The following GRAMD2B variants were observed in gnomAD, a reference collection of about 807,000 sequenced individuals.
GRAMD2B encodes GRAM domain containing 2B, also known as GRAM domain-containing protein 2B.
GRAMD2B carries 41 observed loss-of-function variants against 59.2 expected under a neutral mutation model. The observed-to-expected ratio is 0.69, with a 90% CI of 0.54 to 0.90. GRAMD2B has a LOEUF of 0.90. Ranked by LOEUF, GRAMD2B falls within the 40% of genes least tolerant of loss-of-function variation. The pLI is 0.00. For synonymous variants in GRAMD2B, 161 were observed against 182.7 expected (o/e 0.88, Z 0.96); for missense variants, 424 against 500.5 (o/e 0.85, Z 1.46).
intron 1 of GRAMD2B, among the ~76,000 whole-genome samples, chr5:126,405,551 C>A (rs926288203): frequency 2.0e-5 from 3 of 151,976 alleles, no homozygotes; most frequent in African/African-American, 7.2e-5. Context: ...CACTCCCTTT[C>A]TTTTGCTTTA....
intron 1 of GRAMD2B, among the ~76,000 whole-genome samples, chr5:126,381,330 A>G (rs951914160): frequency 6.6e-6 from 1 of 152,020 alleles, no homozygotes; most frequent in African/African-American, 2.4e-5. Flanking sequence ...TTTCTCATCT[A>G]TGTTCATCAG....
Position 126,423,634 on chromosome 5 carries a change from G to A in GRAMD2B, c.28G>A (p.Asp10Asn). Reference sequence around the variant, plus strand: ...GACTGAACTACAGCAAGATGTGGAAGACACAAAGCCTGCGAAAGTGCTCGG... The same window carrying A: ...GACTGAACTACAGCAAGATGTGGAAAACACAAAGCCTGCGAAAGTGCTCGG... MTELQQDVEDTKPAKVLGKR... is the reference protein window; with the variant it reads MTELQQDVENTKPAKVLGKR... The change falls in exon 1 of 14, where the codon GAC becomes AAC. Residue 10 changes from aspartate (D) to asparagine (N), a missense_variant. Asp to Asn is a conservative substitution (Grantham distance 23, BLOSUM62 1). Transcript: ENST00000285689. 3 of 1,610,466 alleles carry A rather than the reference G, an allele frequency of 1.9e-6. No individual in the cohort carries two copies. Among genetic ancestry groups the A allele is most frequent in the Non-Finnish European group, 2.5e-6 (3 of 1,178,622 alleles).
chr5:126,367,777 A>G (rs1273649884), upstream of GRAMD2B, among the ~76,000 whole-genome samples: 1 of 151,908 alleles, frequency 6.6e-6, no homozygotes, highest in Non-Finnish European at 1.5e-5. Flanking sequence ...TTTGATTTGG[A>G]TTCTCACTCT....
chr5:126,437,712 A>G (rs1168412234), intron 1 of GRAMD2B, among the ~76,000 whole-genome samples: 2 of 152,264 alleles, frequency 1.3e-5, no homozygotes, highest in Non-Finnish European at 2.9e-5. Flanking sequence ...GAAAAAACAA[A>G]CAAGGAAAGG....
chr5:126,410,336 C>T (rs1758672384), intron 1 of GRAMD2B, among the ~76,000 whole-genome samples: 1 of 151,760 alleles, frequency 6.6e-6, no homozygotes. Context: ...GAATGTTCTT[C>T]CATTTCTTTG....
At chr5:126,488,999 A>G (rs1773464997) in intron 13 of GRAMD2B, 107 bp downstream of exon 13, 1 of 652,790 alleles carries the variant, frequency 1.5e-6, no homozygotes, top group Admixed American at 2.8e-5. Context: ...GTGCCGCAAT[A>G]AACCTACATG....
At chr5:126,370,356 G>A (rs1754683768), upstream of GRAMD2B, among the ~76,000 whole-genome samples, 1 of 152,150 alleles carries the variant, frequency 6.6e-6, no homozygotes, top group Non-Finnish European at 1.5e-5. Flanking sequence ...GATTTCCCAG[G>A]AAACTTTGCT....
At chr5:126,444,944 G>A (rs74591712) in intron 1 of GRAMD2B, among the ~76,000 whole-genome samples, 5 of 152,138 alleles carry the variant, frequency 3.3e-5, no homozygotes, top group East Asian at 3.9e-4. Context: ...GAGAACATAC[G>A]GTGTTTGATT....
chr5:126,420,811 T>G (rs892364408), upstream of GRAMD2B, among the ~76,000 whole-genome samples: 3 of 151,910 alleles, frequency 2.0e-5, no homozygotes, highest in African/African-American at 7.3e-5. Context: ...TCATTCACAA[T>G]AGACAAAAGC....
intron 1 of GRAMD2B, among the ~76,000 whole-genome samples, chr5:126,381,552 A>G (rs1230522058): frequency 2.0e-5 from 3 of 152,162 alleles, no homozygotes; most frequent in Non-Finnish European, 4.4e-5. Context: ...ATCTTTTTCC[A>G]TCCCTTTACC....
chr5:126,491,622 C>A (rs1323241798), intron 13 of GRAMD2B, among the ~76,000 whole-genome samples: 2 of 152,220 alleles, frequency 1.3e-5, no homozygotes, highest in African/African-American at 4.8e-5. Context: ...TAGGACATCA[C>A]AGACTGTTCC....
chr5:126,483,551 C>G lies in GRAMD2B; in HGVS notation c.824C>G (p.Thr275Ser). Residue 275 changes from threonine (T) to serine (S), a missense_variant, in exon 9 of 14, where the codon ACT (threonine) becomes AGT (serine). Physicochemically the swap from Thr to Ser is moderately conservative, Grantham distance 58. Transcript: ENST00000285689. ...MEGYSSSGSQ[T>S]PESENSRDFH... ...GGATATAGCAGTTCTGGTTCTCAAACTCCTGAATCTGAGAACTCTCGAGGT... is the reference window on the plus strand; with the variant it reads ...GGATATAGCAGTTCTGGTTCTCAAAGTCCTGAATCTGAGAACTCTCGAGGT... 1 of 1,607,262 alleles carries G rather than the reference C, an allele frequency of 6.2e-7. No individual in the cohort carries two copies. Among genetic ancestry groups the G allele is most frequent in the Non-Finnish European group, 8.5e-7 (1 of 1,174,560 alleles).
At position 126,493,169 on chromosome 5, in the gene GRAMD2B, G is replaced by A. The variant is rs1774237076; in HGVS notation, c.*213G>A. ...AAGTTGACCTTGACTCTCTGAGGAA[G>A]ATTTTGCTGCTTTTGCCTGAAGAAA... On this transcript the variant is annotated 3_prime_UTR_variant, in exon 14 of 14. Transcript: ENST00000285689. 1.8e-5 allele frequency: 10 copies of A among 548,606 alleles called. No individual in the cohort carries two copies. The South Asian group carries it at 2.3e-4, about 12-fold the overall frequency. 34.0% of individuals were successfully genotyped at this position (548,606 alleles called of 1,614,324 possible).
intron 2 of GRAMD2B, among the ~76,000 whole-genome samples, chr5:126,469,456 A>G (rs1769122674): frequency 6.6e-6 from 1 of 152,170 alleles, no homozygotes; most frequent in Non-Finnish European, 1.5e-5. Flanking sequence ...AGTCTGGGCA[A>G]CGTGGTGAAA....
At chr5:126,484,956 C>A (rs766311492) in intron 10 of GRAMD2B, among the ~76,000 whole-genome samples, 1 of 152,168 alleles carries the variant, frequency 6.6e-6, no homozygotes, top group Non-Finnish European at 1.5e-5. Flanking sequence ...TAGGTCTTTG[C>A]ATATTAATTC....
At chr5:126,369,223 T>C (rs1754616131), upstream of GRAMD2B, among the ~76,000 whole-genome samples, 1 of 152,194 alleles carries the variant, frequency 6.6e-6, no homozygotes, top group Non-Finnish European at 1.5e-5. Flanking sequence ...CATACCAGTC[T>C]CAATTGATTT....
chr5:126,474,592 A>G (rs1581208488), intron 5 of GRAMD2B, among the ~76,000 whole-genome samples: 2 of 152,184 alleles, frequency 1.3e-5, no homozygotes, highest in African/African-American at 2.4e-5. Context: ...GTACTGATCA[A>G]TGTGATATAG....
chr5:126,437,685 CAG>C (rs1762637886), intron 1 of GRAMD2B, among the ~76,000 whole-genome samples: 1 of 152,134 alleles, frequency 6.6e-6, no homozygotes, highest in African/African-American at 2.4e-5. Flanking sequence ...CAAAATAAAA[CAG>C]AGGAACAGAA....
upstream of GRAMD2B, among the ~76,000 whole-genome samples, chr5:126,367,993 T>C (rs1358138997): frequency 6.6e-6 from 1 of 152,134 alleles, no homozygotes; most frequent in African/African-American, 2.4e-5. Flanking sequence ...CCTCGTGATC[T>C]GCCCGCGTCG....
Sources: gnomAD v4.1 joint callset for allele counts (sites outside exome capture counted in the v4.1 genomes callset) on GRCh38, gnomAD v4.1.1 for gene constraint, MANE v1.5 for transcripts, NCBI Gene and HGNC (gene_info 2026-07-23, HGNC 2026-07-21) for gene names.